The following MROH1 variants were observed in gnomAD, a reference collection of about 807,000 sequenced individuals.
MROH1 encodes the protein maestro heat-like repeat-containing protein family member 1.
In MROH1, 117 loss-of-function variants were observed where a neutral mutation model predicts 116.5. The observed-to-expected ratio is 1.00, with a 90% CI of 0.86 to 1.17. MROH1 has a LOEUF of 1.17. Among genes scored for constraint, MROH1 ranks in the 50% most tolerant of loss-of-function variants. The pLI, the probability that MROH1 is intolerant of heterozygous loss-of-function variation, is 0.00. For synonymous variants in MROH1, 921 were observed against 583.9 expected (o/e 1.58, Z -8.32); for missense variants, 1,873 against 1,338.5 (o/e 1.40, Z -6.23).
In MROH1 at chr8:144,248,952, G is replaced by A. The variant is rs1842370941; in HGVS notation, c.3196G>A (p.Glu1066Lys). Residue 1066 changes from glutamate (E) to lysine (K), a missense_variant, in exon 32 of 44, where the codon GAA becomes AAA. Physicochemically the swap from Glu to Lys is moderately conservative, Grantham distance 56. Transcript: ENST00000326134. ...CATGTTTGAGGCCCTGGGAGACCCC[G>A]AAAAGAACTGCTCCCGAGCAGCTAC... The part of the protein sequence containing the change: ...LTMFEALGDP[E>K]KNCSRAATVM... 1.4e-5 allele frequency: 11 copies of A among 759,004 alleles called. No individual in the cohort carries two copies. The highest frequency in any genetic ancestry group is 3.6e-5 in the Admixed American group (2 of 55,738). The allele number at this position is 759,004 out of a possible 1,614,324, so 47.0% of individuals were successfully genotyped here.
chr8:144,157,141 A>G (rs1818353511), intron 1 of MROH1, among the ~76,000 whole-genome samples: 1 of 152,036 alleles, frequency 6.6e-6, no homozygotes, highest in African/African-American at 2.4e-5. Flanking sequence ...TATTTTTAGT[A>G]GAGAAGGGGT....
chr8:144,151,129 T>G (rs1816646643), intron 1 of MROH1, among the ~76,000 whole-genome samples: 1 of 150,354 alleles, frequency 6.7e-6, no homozygotes, highest in Non-Finnish European at 1.5e-5. Flanking sequence ...GCGCCTGTAA[T>G]CCCACCTACT....
At chr8:144,259,121 G>C (rs1471991187) in intron 36 of MROH1, 119 bp from the exon 37 acceptor site, 6 of 690,438 alleles carry the variant, frequency 8.7e-6, no homozygotes, top group South Asian at 7.5e-5. Context: ...CTGAAACATA[G>C]AACTCCCAGA....
chr8:144,192,228 A>G, intron 9 of MROH1, 81 bp from the exon 10 acceptor site: 4 of 1,256,910 alleles, frequency 3.2e-6, no homozygotes, highest in Non-Finnish European at 4.4e-6. Context: ...CCTGTGGCCC[A>G]ACTGGGAGGC....
At chr8:144,159,390 A>G (rs1818943648) in intron 1 of MROH1, among the ~76,000 whole-genome samples, 1 of 152,164 alleles carries the variant, frequency 6.6e-6, no homozygotes, top group Non-Finnish European at 1.5e-5. Context: ...AAATGTTGAA[A>G]TCTATACTGC....
chr8:144,173,592 A>AT (rs1327406362), intron 4 of MROH1, among the ~76,000 whole-genome samples: 3 of 151,172 alleles, frequency 2.0e-5, no homozygotes, highest in South Asian at 2.1e-4. Context: ...CACCTGTCTC[A>AT]TTTTTTTGTA....
chr8:144,261,594 C>G (rs1448537996), intron 43 of MROH1, 61 bp from the exon 44 acceptor site: 2 of 700,832 alleles, frequency 2.9e-6, no homozygotes, highest in African/African-American at 3.5e-5. Context: ...GCGTGGCCCA[C>G]GCGCAGGCAT....
At chr8:144,247,734 CAG>C (rs1773806442) in intron 31 of MROH1, 55 bp downstream of exon 31, 1 of 711,274 alleles carries the variant, frequency 1.4e-6, no homozygotes, top group Non-Finnish European at 2.6e-6. Flanking sequence ...CTGGGGCTAA[CAG>C]GGACTTCCGA....
At chr8:144,208,967 A>T (rs1416231842) in intron 12 of MROH1, among the ~76,000 whole-genome samples, 1 of 151,208 alleles carries the variant, frequency 6.6e-6, no homozygotes, top group Non-Finnish European at 1.5e-5. Flanking sequence ...CAGGTGATCC[A>T]CCTGCCTCAG....
chr8:144,216,586 A>G (rs1835308312), intron 12 of MROH1, among the ~76,000 whole-genome samples: 1 of 151,992 alleles, frequency 6.6e-6, no homozygotes, highest in Admixed American at 6.6e-5. Flanking sequence ...CAGCTGTTTA[A>G]TGGCTGCTCC....
chr8:144,258,234 C>G (rs1466993826), intron 35 of MROH1, among the ~76,000 whole-genome samples: 1 of 152,178 alleles, frequency 6.6e-6, no homozygotes, highest in Non-Finnish European at 1.5e-5. Flanking sequence ...CCCCATTGCA[C>G]GCCCAGGGCG....
At chr8:144,239,981 G>T in intron 18 of MROH1, 120 bp from the exon 19 acceptor site, 1 of 712,038 alleles carries the variant, frequency 1.4e-6, no homozygotes, top group Non-Finnish European at 2.6e-6. Context: ...GAGCAGGTGG[G>T]GGGCAGCGGG....
At chr8:144,209,740 C>T (rs1833676132) in intron 12 of MROH1, among the ~76,000 whole-genome samples, 1 of 151,460 alleles carries the variant, frequency 6.6e-6, no homozygotes, top group African/African-American at 2.4e-5. Context: ...GAAACCCTGT[C>T]TCTACTAAAA....
At position 144,259,311 on chromosome 8, in the gene MROH1, C is replaced by CG; in HGVS notation, c.4002dup (p.Tyr1335ValfsTer2). The stretch of plus-strand genomic sequence containing the variant: ...ACGCTGGCATGCACACACAGCAGTG[C>CG]GTATGAGAACCAGAGGGTGACCACC... On this transcript the variant is annotated frameshift_variant, in exon 37 of 44. Transcript: ENST00000326134. LOFTEE classifies it high-confidence loss of function. 1.4e-6 allele frequency: 1 copy of CG among 715,120 alleles called. No homozygotes were observed. The highest frequency in any genetic ancestry group is 2.6e-6 in the Non-Finnish European group (1 of 384,886). 44.3% of individuals were successfully genotyped at this position (715,120 alleles called of 1,614,324 possible). A position where few individuals can be genotyped will look rare whatever the true frequency, so the allele number is the denominator to read the frequency against.
chr8:144,223,044 CT>C (rs1837121786), intron 13 of MROH1, 63 bp from the exon 14 acceptor site: 1 of 1,601,382 alleles, frequency 6.2e-7, no homozygotes, highest in Non-Finnish European at 8.5e-7. Context: ...TTCCTCTCTG[CT>C]GGCTGGACTG....
At chr8:144,237,050 C>T (rs896318168) in intron 14 of MROH1, among the ~76,000 whole-genome samples, 3 of 151,584 alleles carry the variant, frequency 2.0e-5, no homozygotes, top group Admixed American at 6.6e-5. Context: ...GGACTACAGG[C>T]GCCCGCCACC....
At chr8:144,179,308 G>T in intron 4 of MROH1, 147 bp from the exon 5 acceptor site, 1 of 1,190,180 alleles carries the variant, frequency 8.4e-7, no homozygotes, top group Non-Finnish European at 1.2e-6. Flanking sequence ...CTTTTAGGGC[G>T]TGAGGAGTGA....
Position 144,242,473 on chromosome 8 carries a change from G to A in MROH1, c.2283G>A (p.Glu761=). 3.8e-6 allele frequency: 3 copies of A among 780,734 alleles called. No homozygotes were observed. In the Admixed American group the frequency reaches 5.1e-5, roughly 13 times the overall value. 48.4% of individuals were successfully genotyped at this position (780,734 alleles called of 1,614,324 possible). A position where few individuals can be genotyped will look rare whatever the true frequency, so the allele number is the denominator to read the frequency against. ...APRELVLAKV[E]SDILRNICQH... is the part of the protein sequence containing the mutation. ...GGGAGCTGGTGCTGGCCAAGGTAGA[G>A]TCAGACATCCTCCGGAACATCTGCC... Residue 761 remains glutamate, a synonymous_variant, in exon 23 of 44, where the codon GAG becomes GAA. Coordinates refer to ENST00000326134, the MANE Select transcript of MROH1 (RefSeq NM_032450.3).
chr8:144,149,251 T>G (rs1200692970), intron 1 of MROH1, among the ~76,000 whole-genome samples: 2 of 152,144 alleles, frequency 1.3e-5, no homozygotes, highest in Non-Finnish European at 2.9e-5. Flanking sequence ...CAGCAGGATC[T>G]TCAGTGCTCA....
Sources: allele counts gnomAD v4.1 joint callset (sites outside exome capture counted in the v4.1 genomes callset), GRCh38; gene constraint gnomAD v4.1.1; transcripts MANE v1.5; gene names NCBI Gene and HGNC (gene_info 2026-07-23, HGNC 2026-07-21).